TRIM2: variants seen among roughly 807,000 people sequenced by gnomAD.
TRIM2 encodes tripartite motif containing 2.
In TRIM2, 20 loss-of-function variants were observed where a neutral mutation model predicts 75.2. The ratio of observed to expected loss-of-function variants is 0.27; its 90% CI spans 0.19 to 0.39. The LOEUF is 0.39. TRIM2 is among the 10% of genes least tolerant of loss of function. The pLI is 1.00. For synonymous variants in TRIM2, 373 were observed against 388.3 expected, an observed-to-expected ratio of 0.96 and a Z score of 0.46; for missense variants, 660 against 990.8, an observed-to-expected ratio of 0.67 and a Z score of 4.48.
chr4:153,228,394 A>G (rs1215650913), intron 1 of TRIM2, among the ~76,000 whole-genome samples: 1 of 152,262 alleles, frequency 6.6e-6, no homozygotes, highest in African/African-American at 2.4e-5. Context: ...CTTTAAAAGT[A>G]ACTCCAGGGA....
At chr4:153,202,828 C>G (rs914152413), upstream of TRIM2, among the ~76,000 whole-genome samples, 1 of 151,676 alleles carries the variant, frequency 6.6e-6, no homozygotes. Context: ...AATTTAAGGC[C>G]GGGCGCGGTG....
chr4:153,162,378 G>C (rs1461015282), intron 1 of TRIM2, among the ~76,000 whole-genome samples: 1 of 152,188 alleles, frequency 6.6e-6, no homozygotes, highest in Non-Finnish European at 1.5e-5. Flanking sequence ...GAAAGCCAGA[G>C]TTCCAATTCC....
At chr4:153,324,516 A>T (rs966162348) in intron 10 of TRIM2, 1 of 223,016 alleles carries the variant, frequency 4.5e-6, no homozygotes, top group African/African-American at 2.4e-5. Flanking sequence ...TGTTAAAAAA[A>T]AAATTAGATG....
intron 1 of TRIM2, among the ~76,000 whole-genome samples, chr4:153,170,647 C>T (rs559150717): frequency 6.6e-6 from 1 of 152,162 alleles, no homozygotes. Flanking sequence ...TTTTACTCCT[C>T]TTGGGAAATT....
chr4:153,280,495 C>T (rs1442789761), intron 3 of TRIM2, among the ~76,000 whole-genome samples: 1 of 149,922 alleles, frequency 6.7e-6, no homozygotes, highest in Non-Finnish European at 1.5e-5. Flanking sequence ...AGTGATACCC[C>T]TGTCTCAGCC....
rs1359456830 is a variant in TRIM2 at position 153,337,330 on chromosome 4, C to T, written c.*2364C>T. The T allele has an allele frequency of 1.0e-6, 1 of 985,786 alleles. No homozygotes were observed. Among genetic ancestry groups the T allele is most frequent in the Non-Finnish European group, 1.2e-6 (1 of 829,914 alleles). The allele number at this position is 985,786 out of a possible 1,614,324, so 61.1% of individuals were successfully genotyped here. On this transcript the variant is annotated 3_prime_UTR_variant, in exon 12 of 12. Coordinates refer to ENST00000338700, the MANE Select transcript of TRIM2 (RefSeq NM_015271.5). ...ACTTAGAAATTAACTTACAATCTAACCAGCCATCATATCATATCCTATCAG... is the reference window on the plus strand; with the variant it reads ...ACTTAGAAATTAACTTACAATCTAATCAGCCATCATATCATATCCTATCAG...
intron 1 of TRIM2, among the ~76,000 whole-genome samples, chr4:153,241,473 G>T (rs1211681324): frequency 6.6e-6 from 1 of 152,150 alleles, no homozygotes; most frequent in Non-Finnish European, 1.5e-5. Flanking sequence ...ATTCCTTTAC[G>T]AACTGTGACA....
At position 153,292,966 on chromosome 4, in the gene TRIM2, C is replaced by G. The variant is rs749230397; in HGVS notation, c.454-16C>G. 6.3e-7 allele frequency: 1 copy of G among 1,592,828 alleles called. No individual in the cohort carries two copies. The highest frequency in any genetic ancestry group is 2.3e-5 in the East Asian group (1 of 44,364). On this transcript the variant is annotated splice_polypyrimidine_tract_variant and intron_variant, in intron 3 of 11. Transcript: ENST00000338700. Reference sequence around the variant, plus strand: ...CCATGGCCCAGAACCAGGAACTTTTCTTGTGTCATCCACAGGTGATGGAAT... The same window carrying G: ...CCATGGCCCAGAACCAGGAACTTTTGTTGTGTCATCCACAGGTGATGGAAT...
In TRIM2 at chr4:153,315,139, G is replaced by A. The variant is rs146849719; in HGVS notation, c.1511-346G>A. Among the ~76,000 whole-genome samples the A allele has an allele frequency of 7.5e-3, 1,148 of 152,280 alleles. 15 individuals are homozygous for A. The highest frequency in any genetic ancestry group is 0.025 in the African/African-American group (1,042 of 41,558). ...GACCTGACAGATAGCAGTGCCATAG[G>A]GTAAAGTGGGAAAGCCATGTCAGAT... On this transcript the variant is annotated intron_variant, in intron 6 of 11. Coordinates refer to ENST00000338700, the MANE Select transcript of TRIM2 (RefSeq NM_015271.5).
At chr4:153,325,234 C>T (rs184846787) in intron 10 of TRIM2, among the ~76,000 whole-genome samples, 1 of 152,270 alleles carries the variant, frequency 6.6e-6, no homozygotes, top group Admixed American at 6.5e-5. Context: ...TTGATGGGTG[C>T]CAAGTCCCTG....
At chr4:153,256,277 CCCT>C (rs1419206015) in intron 1 of TRIM2, among the ~76,000 whole-genome samples, 1 of 152,200 alleles carries the variant, frequency 6.6e-6, no homozygotes, top group Non-Finnish European at 1.5e-5. Flanking sequence ...TCTGTGATCC[CCCT>C]CCTCCTACTA....
intron 1 of TRIM2, among the ~76,000 whole-genome samples, chr4:153,241,644 G>A (rs969054377): frequency 6.6e-6 from 1 of 152,188 alleles, no homozygotes; most frequent in South Asian, 2.1e-4. Flanking sequence ...CAACAGCAGG[G>A]CTAGGAGGAG....
At chr4:153,292,336 T>C (rs1761990076) in intron 3 of TRIM2, among the ~76,000 whole-genome samples, 1 of 152,232 alleles carries the variant, frequency 6.6e-6, no homozygotes, top group South Asian at 2.1e-4. Flanking sequence ...TTTCACAATA[T>C]ATTTATTTTC....
At chr4:153,293,831 C>T (rs1055409795) in intron 4 of TRIM2, among the ~76,000 whole-genome samples, 1 of 152,142 alleles carries the variant, frequency 6.6e-6, no homozygotes, top group Non-Finnish European at 1.5e-5. Flanking sequence ...ATACAGCTAT[C>T]TAGAATAGTG....
chr4:153,293,241 A>G, intron 4 of TRIM2, 108 bp downstream of exon 4: 2 of 1,160,900 alleles, frequency 1.7e-6, no homozygotes, highest in South Asian at 2.0e-5. Context: ...TTGAGATATC[A>G]GGCTTTGTGG....
intron 1 of TRIM2, among the ~76,000 whole-genome samples, chr4:153,246,593 G>C (rs1285087399): frequency 6.6e-6 from 1 of 152,212 alleles, no homozygotes. Context: ...TCCTAACACA[G>C]TGCCTAGCAC....
rs1190867537 is a variant in TRIM2, at chr4:153,254,292, A to G, written c.31-16043A>G. Among the ~76,000 whole-genome samples the G allele has an allele frequency of 2.0e-5, 3 of 152,194 alleles. No homozygotes were observed. In the East Asian group the frequency reaches 5.8e-4, roughly 29 times the overall value. On this transcript the variant is annotated intron_variant, in intron 1 of 11. Coordinates refer to ENST00000338700, the MANE Select transcript of TRIM2 (RefSeq NM_015271.5). ...TATCTCTCATGCTCCTGCCAATCCC[A>G]ATTTAGTAGCGTACATCCTCTTCTT...
At chr4:153,152,419 T>C (rs1381492930), upstream of TRIM2, 16 of 146,446 alleles carry the variant, frequency 1.1e-4, no homozygotes, top group Admixed American at 2.7e-4. Context: ...TATATATATA[T>C]ATATATATAT....
chr4:153,285,775 G>T (rs575017238), intron 3 of TRIM2, among the ~76,000 whole-genome samples: 54 of 152,258 alleles, frequency 3.5e-4, no homozygotes, highest in African/African-American at 1.3e-3. Context: ...GTGTGTGTGT[G>T]TGTGTATTCT....
Sources: gnomAD v4.1 joint callset for allele counts (sites outside exome capture counted in the v4.1 genomes callset) on GRCh38, gnomAD v4.1.1 for gene constraint, MANE v1.5 for transcripts, NCBI Gene and HGNC (gene_info 2026-07-23, HGNC 2026-07-21) for gene names.